CCNY: variants seen among roughly 807,000 people sequenced by gnomAD.
CCNY encodes cyclin Y.
Under a neutral mutation model 42.8 loss-of-function variants are expected in CCNY, and 19 were observed. The ratio of observed to expected loss-of-function variants is 0.44; its 90% CI spans 0.31 to 0.65. CCNY has a LOEUF of 0.65. CCNY is among the 30% of genes least tolerant of loss of function. The pLI, the probability that CCNY is intolerant of heterozygous loss-of-function variation, is 0.07. For synonymous variants in CCNY, 165 were observed against 162.7 expected (o/e 1.01, Z -0.11); for missense variants, 370 against 437.3 (o/e 0.85, Z 1.37).
At chr10:35,338,941 A>G (rs2135116797) in intron 1 of CCNY, among the ~76,000 whole-genome samples, 1 of 152,358 alleles carries the variant, frequency 6.6e-6, no homozygotes, top group South Asian at 2.1e-4. Context: ...GCCAGAGTAC[A>G]GTGAAATGAT....
rs1276009919 is a variant in CCNY at position 35,288,314 on chromosome 10, A to C, written c.-9+37688A>C. ...TCTTCAAATCTTTTCTGTAATGGCC[A>C]ATGTGTCTTACTGGGTTGTGTTTAT... On this transcript the variant is annotated intron_variant, in intron 3 of 11. Coordinates refer to the CCNY transcript ENST00000374706. Among the ~76,000 whole-genome samples, 4 of 152,242 alleles carry C rather than the reference A, an allele frequency of 2.6e-5. No individual in the cohort carries two copies. In the East Asian group the frequency reaches 7.7e-4, roughly 29 times the overall value.
intron 3 of CCNY, among the ~76,000 whole-genome samples, chr10:35,507,204 A>T (rs549515358): frequency 1.5e-4 from 23 of 152,326 alleles, no homozygotes; most frequent in African/African-American, 5.1e-4. Context: ...GCCCTTTAAG[A>T]AGCAGACTTT....
chr10:35,437,511 A>G (rs1838564393), intron 1 of CCNY, among the ~76,000 whole-genome samples: 1 of 152,090 alleles, frequency 6.6e-6, no homozygotes, highest in Non-Finnish European at 1.5e-5. Flanking sequence ...AAAATTAACC[A>G]GTCATGGTGG....
intron 7 of CCNY, among the ~76,000 whole-genome samples, chr10:35,549,111 C>G: frequency 6.8e-6 from 1 of 147,004 alleles, no homozygotes; most frequent in South Asian, 2.3e-4. Flanking sequence ...CCACCCCCCC[C>G]CGCCCCTCAT....
chr10:35,333,264 G>A (rs765723534), upstream of CCNY, among the ~76,000 whole-genome samples: 41 of 152,186 alleles, frequency 2.7e-4, 1 homozygote, highest in Admixed American at 1.3e-4. Flanking sequence ...TTGAGGAACT[G>A]TCTCTGTATT....
intron 3 of CCNY, among the ~76,000 whole-genome samples, chr10:35,513,637 C>CT (rs1311507125): frequency 1.3e-5 from 2 of 152,188 alleles, no homozygotes; most frequent in Admixed American, 6.5e-5. Context: ...ATTTTCATCT[C>CT]TGTTTTACAG....
chr10:35,330,125 G>T (rs1835925196), intron 3 of CCNY, among the ~76,000 whole-genome samples: 1 of 152,176 alleles, frequency 6.6e-6, no homozygotes, highest in Non-Finnish European at 1.5e-5. Context: ...ATGTGAAAGT[G>T]CCTGGCTCGA....
At chr10:35,267,486 G>A (rs1205488535) in intron 3 of CCNY, among the ~76,000 whole-genome samples, 1 of 152,166 alleles carries the variant, frequency 6.6e-6, no homozygotes, top group African/African-American at 2.4e-5. Flanking sequence ...AGCCCAGCGT[G>A]GAGCTGTCAC....
intron 1 of CCNY, among the ~76,000 whole-genome samples, chr10:35,457,048 A>G (rs1035260697): frequency 3.3e-5 from 5 of 152,216 alleles, no homozygotes; most frequent in Non-Finnish European, 7.3e-5. Context: ...CTACCTTAGT[A>G]TTCACATTTT....
intron 7 of CCNY, among the ~76,000 whole-genome samples, chr10:35,542,674 C>T (rs990362257): frequency 2.0e-5 from 3 of 152,198 alleles, no homozygotes; most frequent in African/African-American, 7.2e-5. Context: ...GCCATTCAAC[C>T]CCTGAACTGC....
At chr10:35,310,033 C>T (rs1835664721) in intron 3 of CCNY, among the ~76,000 whole-genome samples, 2 of 152,112 alleles carry the variant, frequency 1.3e-5, no homozygotes, top group Non-Finnish European at 1.5e-5. Flanking sequence ...ATCTCCTGAC[C>T]TTCTGATCCG....
chr10:35,352,018 G>GT (rs1277459802), intron 1 of CCNY, among the ~76,000 whole-genome samples: 1 of 152,188 alleles, frequency 6.6e-6, no homozygotes, highest in African/African-American at 2.4e-5. Context: ...GATCTACCTA[G>GT]TTTTCAAGTA....
intron 3 of CCNY, among the ~76,000 whole-genome samples, chr10:35,287,589 AC>A (rs1378012652): frequency 5.9e-5 from 9 of 152,260 alleles, no homozygotes; most frequent in Admixed American, 4.6e-4. Flanking sequence ...CATATAGTGT[AC>A]TTTTTTGTGT....
intron 4 of CCNY, 43 bp from the exon 5 acceptor site, chr10:35,525,921 A>G: frequency 6.3e-7 from 1 of 1,581,668 alleles, no homozygotes; most frequent in Non-Finnish European, 8.6e-7. Flanking sequence ...TAAGGTCTTG[A>G]ATATGCTCAT....
At chr10:35,320,280 G>C (rs1330301065) in intron 3 of CCNY, among the ~76,000 whole-genome samples, 3 of 152,200 alleles carry the variant, frequency 2.0e-5, no homozygotes, top group African/African-American at 7.2e-5. Flanking sequence ...TCATGACTAA[G>C]TGGGGTTTAT....
intron 3 of CCNY, among the ~76,000 whole-genome samples, chr10:35,510,924 G>A (rs931503007): frequency 1.3e-5 from 2 of 152,236 alleles, no homozygotes; most frequent in African/African-American, 4.8e-5. Flanking sequence ...TGGCAGAGCT[G>A]CAGCCAAGCA....
At chr10:35,378,253 T>C (rs1837098491) in intron 1 of CCNY, among the ~76,000 whole-genome samples, 1 of 152,218 alleles carries the variant, frequency 6.6e-6, no homozygotes, top group African/African-American at 2.4e-5. Flanking sequence ...TAAAATCACA[T>C]TTGCTAATAT....
intron 1 of CCNY, among the ~76,000 whole-genome samples, chr10:35,454,273 A>G (rs1413256848): frequency 1.3e-5 from 2 of 152,242 alleles, no homozygotes; most frequent in African/African-American, 2.4e-5. Flanking sequence ...GTCCAGCAGC[A>G]TAGAAGCCGT....
At chr10:35,282,962 C>T (rs1470516819) in intron 3 of CCNY, among the ~76,000 whole-genome samples, 4 of 152,068 alleles carry the variant, frequency 2.6e-5, no homozygotes, top group Admixed American at 2.0e-4. Flanking sequence ...ATAATGTGTT[C>T]CACGTCTGTA....
Sources: gnomAD v4.1 joint callset for allele counts (sites outside exome capture counted in the v4.1 genomes callset) on GRCh38, gnomAD v4.1.1 for gene constraint, MANE v1.5 for transcripts, NCBI Gene and HGNC (gene_info 2026-07-23, HGNC 2026-07-21) for gene names.